The following CUL2 variants were observed in gnomAD, a reference collection of about 807,000 sequenced individuals.
CUL2 encodes cullin 2.
In CUL2, 22 loss-of-function variants were observed where a neutral mutation model predicts 110.2. The ratio of observed to expected loss-of-function variants is 0.20; its 90% CI spans 0.14 to 0.28. CUL2 has a LOEUF of 0.28. Among genes scored for constraint, CUL2 ranks in the 10% least tolerant of loss-of-function variants. The pLI is 1.00. For synonymous variants in CUL2, 279 were observed against 293.2 expected (o/e 0.95, Z 0.49); for missense variants, 631 against 905.5 (o/e 0.70, Z 3.89).
intron 1 of CUL2, among the ~76,000 whole-genome samples, chr10:35,077,592 C>T (rs766436208): frequency 1.8e-4 from 27 of 151,664 alleles, no homozygotes; most frequent in Admixed American, 3.3e-4. Flanking sequence ...CCGAGGCAGG[C>T]GCATTACCTG....
At position 35,009,640 on chromosome 10, in the gene CUL2, A is replaced by G. The variant is rs1008984072; in HGVS notation, c.*671T>C. 1.3e-5 allele frequency: 2 copies of G among 152,262 alleles called. No individual in the cohort carries two copies. Among genetic ancestry groups the G allele is most frequent in the African/African-American group, 4.8e-5 (2 of 41,466 alleles). The allele number at this position is 152,262 out of a possible 1,614,324, so 9.4% of individuals were successfully genotyped here. On this transcript the variant is annotated 3_prime_UTR_variant, in exon 21 of 21. Transcript: ENST00000374749. ...CATCTTCAAGATTCAAAATGTTTAG[A>G]TCCAATATATCTAATCCATAAAAAT...
At chr10:35,049,851 T>C (rs767386928) in intron 5 of CUL2, 86 bp from the exon 6 acceptor site, 4 of 826,346 alleles carry the variant, frequency 4.8e-6, no homozygotes, top group Non-Finnish European at 5.9e-6. Flanking sequence ...CTAAAAATAC[T>C]CATCAAAAGA....
chr10:35,027,322 T>A (rs1227227608), intron 16 of CUL2, among the ~76,000 whole-genome samples: 10 of 152,000 alleles, frequency 6.6e-5, no homozygotes, highest in Non-Finnish European at 1.3e-4. Flanking sequence ...TTTTTTCTAT[T>A]TTTAGTAGAG....
At chr10:35,023,062 AAATTGCTGTGACAGT>A (rs1221546240) in intron 17 of CUL2, among the ~76,000 whole-genome samples, 3 of 152,118 alleles carry the variant, frequency 2.0e-5, no homozygotes, top group East Asian at 1.9e-4. Flanking sequence ...AAGAAAAAGA[AAATTGCTGTGACAGT>A]AATTGCTGTG....
intron 3 of CUL2, 104 bp from the exon 4 acceptor site, chr10:35,061,072 C>T (rs1224542431): frequency 8.1e-7 from 1 of 1,235,560 alleles, no homozygotes; most frequent in East Asian, 2.5e-5. Context: ...TTACATAATT[C>T]TAGCTGTACA....
chr10:35,068,784 G>C (rs954102557), intron 2 of CUL2, among the ~76,000 whole-genome samples: 5 of 151,930 alleles, frequency 3.3e-5, no homozygotes, highest in African/African-American at 1.2e-4. Context: ...AGATATTAAG[G>C]GTCAGAAGTG....
In CUL2 at chr10:35,039,138, CTG is replaced by C. The variant is rs2085711775; in HGVS notation, c.715-58_715-57del. 36 of 1,188,538 alleles carry C rather than the reference CTG, an allele frequency of 3.0e-5. No homozygotes were observed. The South Asian group carries it at 7.1e-4, about 24-fold the overall frequency. 73.6% of individuals were successfully genotyped at this position (1,188,538 alleles called of 1,614,324 possible). ...ACAAAGTTTTACTATGAGGAAAAAT[CTG>C]TAATATCAGCAAGTAACTCAGCCAA... On this transcript the variant is annotated intron_variant, in intron 8 of 20. Coordinates refer to ENST00000374749, the MANE Select transcript of CUL2 (RefSeq NM_003591.4).
intron 19 of CUL2, 138 bp from the exon 20 acceptor site, chr10:35,012,102 G>T (rs2084918075): frequency 1.7e-6 from 1 of 576,992 alleles, no homozygotes; most frequent in African/African-American, 1.9e-5. Flanking sequence ...CGTCCTGGCT[G>T]GAGTTCAGTG....
At chr10:35,070,967 C>T (rs1470853401) in intron 2 of CUL2, among the ~76,000 whole-genome samples, 1 of 151,880 alleles carries the variant, frequency 6.6e-6, no homozygotes, top group African/African-American at 2.4e-5. Flanking sequence ...AACTGTATTC[C>T]CAAAGCCTAA....
intron 9 of CUL2, among the ~76,000 whole-genome samples, chr10:35,035,806 C>T (rs927787760): frequency 6.6e-6 from 1 of 152,280 alleles, no homozygotes; most frequent in African/African-American, 2.4e-5. Flanking sequence ...GTTACTGTGT[C>T]AAAGTTTAAT....
In CUL2 at chr10:35,010,288, C is replaced by A; in HGVS notation, c.*23G>T. The A allele has an allele frequency of 2.5e-6, 4 of 1,578,856 alleles. No homozygotes were observed. Among genetic ancestry groups the A allele is most frequent in the Non-Finnish European group, 3.4e-6 (4 of 1,160,976 alleles). On this transcript the variant is annotated 3_prime_UTR_variant, in exon 21 of 21. Coordinates refer to ENST00000374749, the MANE Select transcript of CUL2 (RefSeq NM_003591.4). Reference sequence around the variant, plus strand: ...AATGGTGATGGCAATGATCTTCTCACACCACGCTGGAGGAGAGCGACATCA... The same window carrying A: ...AATGGTGATGGCAATGATCTTCTCAAACCACGCTGGAGGAGAGCGACATCA...
intron 9 of CUL2, among the ~76,000 whole-genome samples, chr10:35,038,525 C>CAAAAA (rs61022194): frequency 0.026 from 1,724 of 65,406 alleles, 322 homozygotes; most frequent in African/African-American, 0.11. Flanking sequence ...GACTCTGTCT[C>CAAAAA]AAAAAAAAAA....
upstream of CUL2, among the ~76,000 whole-genome samples, chr10:35,092,358 C>T (rs917913710): frequency 6.6e-6 from 1 of 152,226 alleles, no homozygotes; most frequent in African/African-American, 2.4e-5. Flanking sequence ...ACCAACCTGT[C>T]CGGGTGGTCA....
chr10:35,117,231 G>T (rs943171474), intron 1 of CUL2, among the ~76,000 whole-genome samples: 4 of 152,148 alleles, frequency 2.6e-5, no homozygotes, highest in Non-Finnish European at 5.9e-5. Context: ...AAGAATTGCG[G>T]AATTCACGAA....
intron 1 of CUL2, among the ~76,000 whole-genome samples, chr10:35,073,764 C>T (rs2086744928): frequency 1.3e-5 from 2 of 151,874 alleles, no homozygotes; most frequent in Non-Finnish European, 2.9e-5. Flanking sequence ...GCCACCACAC[C>T]CGGCTAATTT....
At chr10:35,059,476 G>A (rs563014599) in intron 4 of CUL2, among the ~76,000 whole-genome samples, 6 of 152,218 alleles carry the variant, frequency 3.9e-5, no homozygotes, top group Admixed American at 1.3e-4. Context: ...TAGCAATAAA[G>A]TAATTTTAAA....
intron 1 of CUL2, among the ~76,000 whole-genome samples, chr10:35,108,994 C>T (rs180975477): frequency 1.2e-4 from 18 of 152,304 alleles, no homozygotes; most frequent in Admixed American, 1.1e-3. Flanking sequence ...GGGTGGACCA[C>T]CTGCGCTCAG....
chr10:35,118,340 A>G (rs1282423301), intron 1 of CUL2: 1 of 152,204 alleles, frequency 6.6e-6, no homozygotes, highest in African/African-American at 2.4e-5. Context: ...TTCCATTAGA[A>G]AAATATTTAT....
At chr10:35,066,161 T>C (rs1015796517) in intron 2 of CUL2, among the ~76,000 whole-genome samples, 8 of 152,024 alleles carry the variant, frequency 5.3e-5, no homozygotes, top group Non-Finnish European at 8.8e-5. Flanking sequence ...AACTCTATTA[T>C]GCCATGGGTC....
Sources: gnomAD v4.1 joint callset for allele counts (sites outside exome capture counted in the v4.1 genomes callset) on GRCh38, gnomAD v4.1.1 for gene constraint, MANE v1.5 for transcripts, NCBI Gene and HGNC (gene_info 2026-07-23, HGNC 2026-07-21) for gene names.